PRDM16: variants seen among roughly 807,000 people sequenced by gnomAD.
PRDM16 encodes the protein histone-lysine N-methyltransferase PRDM16.
PRDM16 carries 23 observed loss-of-function variants against 110.6 expected under a neutral mutation model. That is an observed-to-expected ratio of 0.21 (90% confidence interval 0.15 to 0.29). The LOEUF is 0.29. Ranked by LOEUF, PRDM16 falls within the 10% of genes least tolerant of loss-of-function variation. The pLI, the probability that PRDM16 is intolerant of heterozygous loss-of-function variation, is 1.00. For missense variants in PRDM16, 1,615 were observed against 1,794.3 expected (o/e 0.90, Z 1.81); for synonymous variants, 799 against 781.8 (o/e 1.02, Z -0.37).
chr1:3,178,346 C>T (rs1021203178), intron 1 of PRDM16, among the ~76,000 whole-genome samples: 5 of 152,194 alleles, frequency 3.3e-5, no homozygotes, highest in Non-Finnish European at 5.9e-5. Flanking sequence ...CTCCCGCAGG[C>T]TTCCGTCTGC....
At chr1:3,111,649 G>A (rs887440869) in intron 1 of PRDM16, among the ~76,000 whole-genome samples, 5 of 152,058 alleles carry the variant, frequency 3.3e-5, no homozygotes, top group Non-Finnish European at 7.4e-5. Flanking sequence ...AGGGGCGCAC[G>A]CCCCCTGGGG....
At chr1:3,323,561 G>T (rs914225210) in intron 3 of PRDM16, among the ~76,000 whole-genome samples, 2 of 152,174 alleles carry the variant, frequency 1.3e-5, no homozygotes, top group African/African-American at 2.4e-5. Flanking sequence ...AGGATCAGGG[G>T]CCCCGCCAGC....
chr1:3,084,088 G>C (rs898270014), intron 1 of PRDM16, among the ~76,000 whole-genome samples: 5 of 152,224 alleles, frequency 3.3e-5, no homozygotes, highest in Admixed American at 6.5e-5. Context: ...GGCTGGGGAC[G>C]ACCGAATCCC....
chr1:3,323,163 G>T (rs1464060488), intron 3 of PRDM16, among the ~76,000 whole-genome samples: 1 of 152,202 alleles, frequency 6.6e-6, no homozygotes, highest in African/African-American at 2.4e-5. Context: ...TTTCAAAAGG[G>T]TCTCAGGACT....
intron 1 of PRDM16, among the ~76,000 whole-genome samples, chr1:3,135,673 G>A (rs1045350143): frequency 5.9e-5 from 9 of 152,216 alleles, no homozygotes; most frequent in Admixed American, 2.6e-4. Context: ...CCCAGCTTCC[G>A]GGCACTGGCA....
chr1:3,418,384 G>C (rs1174369921), intron 11 of PRDM16, among the ~76,000 whole-genome samples: 1 of 152,206 alleles, frequency 6.6e-6, no homozygotes, highest in Non-Finnish European at 1.5e-5. Context: ...GTGCAGGCCT[G>C]TCCAAGTCTG....
intron 2 of PRDM16, among the ~76,000 whole-genome samples, chr1:3,191,752 G>T (rs12090135): frequency 6.6e-6 from 1 of 152,164 alleles, no homozygotes; most frequent in African/African-American, 2.4e-5. Flanking sequence ...GATGGAGTGG[G>T]GTGAGGGCAG....
At chr1:3,400,491 G>A (rs1001461001) in intron 5 of PRDM16, among the ~76,000 whole-genome samples, 1 of 152,150 alleles carries the variant, frequency 6.6e-6, no homozygotes, top group Non-Finnish European at 1.5e-5. Context: ...CCCAGGCTGT[G>A]CACCCTGTCC....
chr1:3,114,361 C>T (rs1051148223), intron 1 of PRDM16, among the ~76,000 whole-genome samples: 2 of 142,786 alleles, frequency 1.4e-5, no homozygotes, highest in African/African-American at 2.8e-5. Flanking sequence ...CACATGCACA[C>T]ACGCACACAC....
chr1:3,089,186 G>A (rs34782467), intron 1 of PRDM16, among the ~76,000 whole-genome samples: 13,386 of 152,316 alleles, frequency 0.088, 750 homozygotes, highest in Non-Finnish European at 0.13. Context: ...CCGACTCGAC[G>A]TCTGAATGGA....
At chr1:3,294,275 G>T (rs559079828) in intron 3 of PRDM16, among the ~76,000 whole-genome samples, 141 of 152,246 alleles carry the variant, frequency 9.3e-4, no homozygotes, top group African/African-American at 3.2e-3. Context: ...AATTGCTGTG[G>T]AGTGGGGGTG....
intron 1 of PRDM16, among the ~76,000 whole-genome samples, chr1:3,146,547 G>GGT (rs1313320687): frequency 7.0e-6 from 1 of 142,048 alleles, no homozygotes; most frequent in African/African-American, 2.6e-5. Flanking sequence ...ACGTGTGTTC[G>GGT]GTGTGGGGTG....
At chr1:3,118,194 T>C (rs949254806) in intron 1 of PRDM16, among the ~76,000 whole-genome samples, 2 of 151,504 alleles carry the variant, frequency 1.3e-5, no homozygotes, top group Non-Finnish European at 2.9e-5. Flanking sequence ...TGTGCATGCA[T>C]GTACACACGC....
intron 1 of PRDM16, among the ~76,000 whole-genome samples, chr1:3,107,942 A>AG (rs1305535102): frequency 6.6e-6 from 1 of 152,172 alleles, no homozygotes; most frequent in East Asian, 1.9e-4. Flanking sequence ...CCTGCCGGGG[A>AG]GGGGGGCTGA....
At chr1:3,219,731 ATC>A (rs1430909862) in intron 2 of PRDM16, among the ~76,000 whole-genome samples, 1 of 152,150 alleles carries the variant, frequency 6.6e-6, no homozygotes. Context: ...AGGAGCGGCC[ATC>A]TCTCTCGCCC....
intron 8 of PRDM16, among the ~76,000 whole-genome samples, chr1:3,408,949 G>A (rs1304528302): frequency 4.0e-5 from 6 of 149,254 alleles, no homozygotes; most frequent in Non-Finnish European, 1.5e-5. Context: ...TGAGAGTGAG[G>A]GGCGTGTGAG....
intron 3 of PRDM16, among the ~76,000 whole-genome samples, chr1:3,336,314 TTGTGTACATGCACATG>T (rs911923448): frequency 4.2e-4 from 64 of 151,858 alleles, no homozygotes; most frequent in South Asian, 6.2e-4. Context: ...CTGTGGCTGT[TTGTGTACATGCACATG>T]TGTGTACATG....
At chr1:3,211,396 C>T (rs528986902) in intron 2 of PRDM16, among the ~76,000 whole-genome samples, 14 of 152,328 alleles carry the variant, frequency 9.2e-5, no homozygotes, top group Admixed American at 7.2e-4. Context: ...GAACATCTCT[C>T]GTGGTGTCTG....
At position 3,287,598 on chromosome 1, in the gene PRDM16, G is replaced by A. The variant is rs867609863; in HGVS notation, c.438+43461G>A. 0.018 allele frequency among the ~76,000 whole-genome samples: 380 copies of A among 20,606 alleles called. 126 individuals carry two copies. The East Asian group carries it at 0.48, about 26-fold the overall frequency. 13.5% of individuals were successfully genotyped at this position (20,606 alleles called of 152,430 possible). A position where few individuals can be genotyped will look rare whatever the true frequency, so the allele number is the denominator to read the frequency against. On this transcript the variant is annotated intron_variant, in intron 3 of 16. Transcript: ENST00000270722. ...CAGGATTGCATTTACCGGGGCTGGA[G>A]CTGCCCCTGCCATGCGGGCATCGAG... is the stretch of plus-strand genomic sequence containing the variant.
Sources: gnomAD v4.1 joint callset for allele counts (sites outside exome capture counted in the v4.1 genomes callset) on GRCh38, gnomAD v4.1.1 for gene constraint, MANE v1.5 for transcripts, NCBI Gene and HGNC (gene_info 2026-07-23, HGNC 2026-07-21) for gene names.